The following KHDRBS2 variants were observed in gnomAD, a reference collection of about 807,000 sequenced individuals.
The protein encoded by KHDRBS2 is KH domain-containing, RNA-binding, signal transduction-associated protein 2.
KHDRBS2 carries 26 observed loss-of-function variants against 44.3 expected under a neutral mutation model. That is an observed-to-expected ratio of 0.59 (90% CI 0.43 to 0.81). The LOEUF (loss-of-function observed/expected upper bound fraction) is 0.81, where lower values mean the gene tolerates loss of function less well. Among genes scored for constraint, KHDRBS2 ranks in the 40% least tolerant of loss-of-function variants. The probability of loss-of-function intolerance (pLI) is 0.00; values close to 1 mark genes in which losing one functional copy is unlikely to be tolerated. For missense variants in KHDRBS2, 476 were observed against 433.1 expected (o/e 1.10, Z -0.88); for synonymous variants, 194 against 151.1 (o/e 1.28, Z -2.08).
chr6:61,852,362 G>A (rs1014152964), intron 6 of KHDRBS2, among the ~76,000 whole-genome samples: 10 of 151,072 alleles, frequency 6.6e-5, no homozygotes, highest in African/African-American at 2.4e-4. Flanking sequence ...TGAAGAGATC[G>A]AGACAATCCT....
chr6:62,153,430 A>G (rs1446809321), intron 2 of KHDRBS2, among the ~76,000 whole-genome samples: 1 of 152,184 alleles, frequency 6.6e-6, no homozygotes, highest in Non-Finnish European at 1.5e-5. Flanking sequence ...TTTGCATTGT[A>G]CTGCGATTCA....
chr6:61,750,410 T>A (rs1048389811), intron 6 of KHDRBS2, among the ~76,000 whole-genome samples: 4 of 152,210 alleles, frequency 2.6e-5, no homozygotes, highest in African/African-American at 9.6e-5. Context: ...TGTTTCTAAC[T>A]GGATTTCTGT....
At chr6:61,653,754 T>C in the KHDRBS2 span, among the ~76,000 whole-genome samples, 1 of 152,048 alleles carries the variant, frequency 6.6e-6, no homozygotes, top group Non-Finnish European at 1.5e-5. Flanking sequence ...GGATAGTTAC[T>C]TGGCTTAGAA....
chr6:61,657,230 C>T, the KHDRBS2 span, among the ~76,000 whole-genome samples: 1 of 151,990 alleles, frequency 6.6e-6, no homozygotes, highest in African/African-American at 2.4e-5. Flanking sequence ...TGGATGTCCA[C>T]AGCTAAGCAT....
intron 3 of KHDRBS2, among the ~76,000 whole-genome samples, chr6:62,028,545 A>G (rs1783784691): frequency 6.6e-6 from 1 of 152,116 alleles, no homozygotes; most frequent in Non-Finnish European, 1.5e-5. Context: ...TGGCCAGTAT[A>G]TAATTAGATA....
intron 6 of KHDRBS2, among the ~76,000 whole-genome samples, chr6:61,822,712 T>C (rs570948071): frequency 6.6e-6 from 1 of 152,144 alleles, no homozygotes; most frequent in South Asian, 2.1e-4. Flanking sequence ...TTGTGTTCAG[T>C]TCTCTGCACT....
At chr6:62,173,011 C>T (rs1366908498) in intron 2 of KHDRBS2, among the ~76,000 whole-genome samples, 1 of 151,942 alleles carries the variant, frequency 6.6e-6, no homozygotes, top group African/African-American at 2.4e-5. Flanking sequence ...AGCAACCTAA[C>T]ATGACACCTA....
At chr6:61,631,954 C>G in the KHDRBS2 span, among the ~76,000 whole-genome samples, 1 of 152,100 alleles carries the variant, frequency 6.6e-6, no homozygotes, top group Admixed American at 6.6e-5. Flanking sequence ...ATCTGTGAAA[C>G]TCTTTTGTGA....
intron 3 of KHDRBS2, among the ~76,000 whole-genome samples, chr6:62,039,046 C>T (rs904009949): frequency 2.0e-5 from 3 of 151,698 alleles, no homozygotes; most frequent in African/African-American, 7.3e-5. Context: ...GCTTTGGTTA[C>T]TGAATTTGTA....
In KHDRBS2 at chr6:61,996,869, T is replaced by C. The variant is rs552236936; in HGVS notation, c.337-18657A>G. Among the ~76,000 whole-genome samples, 10 of 135,084 alleles carry C rather than the reference T, an allele frequency of 7.4e-5. No homozygotes were observed. In the South Asian group the frequency reaches 2.3e-3, roughly 32 times the overall value. The allele number at this position is 135,084 out of a possible 152,430, so 88.6% of individuals were successfully genotyped here. ...CATGATCTCGGCTCACTGCAACCTC[T>C]GCGCCCGAGTTTAAGCAATTCTCCT... On this transcript the variant is annotated intron_variant, in intron 3 of 8. Coordinates refer to ENST00000281156, the MANE Select transcript of KHDRBS2 (RefSeq NM_152688.4).
intron 6 of KHDRBS2, among the ~76,000 whole-genome samples, chr6:61,867,332 A>G (rs1424883529): frequency 6.6e-6 from 1 of 152,190 alleles, no homozygotes; most frequent in South Asian, 2.1e-4. Flanking sequence ...TCATGAGAAC[A>G]GCATGAAAAA....
rs571065708 is a variant in KHDRBS2 at position 61,881,879 on chromosome 6, G to A, written c.810+12756C>T. Reference sequence around the variant, plus strand: ...TGGCTGGGGCACCAGTTACTATTTTGGTTGGTTATTTATTATTCTGCAAAG... The same window carrying A: ...TGGCTGGGGCACCAGTTACTATTTTAGTTGGTTATTTATTATTCTGCAAAG... On this transcript the variant is annotated intron_variant, in intron 6 of 8. Coordinates refer to ENST00000281156, the MANE Select transcript of KHDRBS2 (RefSeq NM_152688.4). Among the ~76,000 whole-genome samples, 237 of 151,988 alleles carry A rather than the reference G, an allele frequency of 1.6e-3. 8 individuals are homozygous for A. In the South Asian group the frequency reaches 0.046, roughly 29 times the overall value.
the KHDRBS2 span, among the ~76,000 whole-genome samples, chr6:61,603,939 G>A: frequency 0.62 from 93,489 of 151,778 alleles, 29,003 homozygotes; most frequent in Middle Eastern, 0.65. Context: ...TATTGATGGC[G>A]GTTCCACCAC....
intron 6 of KHDRBS2, among the ~76,000 whole-genome samples, chr6:61,882,223 A>G (rs1474939106): frequency 1.3e-5 from 2 of 151,992 alleles, no homozygotes; most frequent in African/African-American, 4.8e-5. Flanking sequence ...ACTTGAAATA[A>G]CAAATTACTC....
chr6:61,628,906 G>A, the KHDRBS2 span, among the ~76,000 whole-genome samples: 5 of 152,274 alleles, frequency 3.3e-5, no homozygotes, highest in Admixed American at 3.3e-4. Context: ...ATATGTAATA[G>A]ATGCATACGT....
chr6:61,909,902 T>G (rs1400584878), intron 4 of KHDRBS2, among the ~76,000 whole-genome samples: 1 of 152,212 alleles, frequency 6.6e-6, no homozygotes, highest in African/African-American at 2.4e-5. Flanking sequence ...TGGACGCTGG[T>G]GCTGCACATT....
chr6:61,748,314 C>T (rs1457313887), intron 6 of KHDRBS2, among the ~76,000 whole-genome samples: 1 of 152,120 alleles, frequency 6.6e-6, no homozygotes, highest in Non-Finnish European at 1.5e-5. Context: ...TTAAATTACT[C>T]TCTCCTACTC....
chr6:61,544,852 T>TTCTCACTC, the KHDRBS2 span, among the ~76,000 whole-genome samples: 1 of 152,134 alleles, frequency 6.6e-6, no homozygotes, highest in African/African-American at 2.4e-5. Flanking sequence ...ACACCGCATG[T>TTCTCACTC]TCTCACTCAC....
At chr6:62,009,977 T>C (rs1278315232) in intron 3 of KHDRBS2, among the ~76,000 whole-genome samples, 3 of 152,034 alleles carry the variant, frequency 2.0e-5, no homozygotes, top group Non-Finnish European at 4.4e-5. Flanking sequence ...TACTGCCTAG[T>C]GGAGCTATGA....
Sources: allele counts gnomAD v4.1 joint callset (sites outside exome capture counted in the v4.1 genomes callset), GRCh38; gene constraint gnomAD v4.1.1; transcripts MANE v1.5; gene names NCBI Gene and HGNC (gene_info 2026-07-23, HGNC 2026-07-21).